STK32B: variants seen among roughly 807,000 people sequenced by gnomAD.
STK32B encodes serine/threonine-protein kinase 32B.
A neutral mutation model predicts 52.6 loss-of-function variants in STK32B; 43 were observed. The observed-to-expected ratio is 0.82, with a 90% confidence interval of 0.64 to 1.05. The LOEUF (loss-of-function observed/expected upper bound fraction) is 1.05, where lower values mean the gene tolerates loss of function less well. STK32B is among the 50% of genes least tolerant of loss of function. The probability of loss-of-function intolerance (pLI) is 0.00; values close to 1 mark genes in which losing one functional copy is unlikely to be tolerated. For missense variants in STK32B, 621 were observed against 534.6 expected (o/e 1.16, Z -1.59); for synonymous variants, 238 against 204.3 (o/e 1.17, Z -1.41).
chr4:5,388,605 G>C (rs1307657659), intron 4 of STK32B, among the ~76,000 whole-genome samples: 1 of 152,188 alleles, frequency 6.6e-6, no homozygotes, highest in African/African-American at 2.4e-5. Context: ...GGGGAGCTCA[G>C]GGTCTGGTGA....
chr4:5,044,194 C>T, the STK32B span, among the ~76,000 whole-genome samples: 9 of 152,286 alleles, frequency 5.9e-5, no homozygotes, highest in African/African-American at 1.7e-4. Flanking sequence ...AGCTGGCTGC[C>T]TTCTCCATCT....
intron 3 of STK32B, among the ~76,000 whole-genome samples, chr4:5,192,258 T>C (rs1257162952): frequency 1.3e-5 from 2 of 152,176 alleles, no homozygotes; most frequent in South Asian, 2.1e-4. Flanking sequence ...CCTCGTGTTA[T>C]TGAATTCCCA....
intron 4 of STK32B, among the ~76,000 whole-genome samples, chr4:5,357,020 T>TACACAC (rs1461369182): frequency 1.7e-3 from 260 of 150,324 alleles, no homozygotes; most frequent in African/African-American, 5.6e-3. Flanking sequence ...TATATATATA[T>TACACAC]ATACACACAC....
chr4:5,094,642 G>T (rs1270927073), intron 1 of STK32B, among the ~76,000 whole-genome samples: 1 of 152,128 alleles, frequency 6.6e-6, no homozygotes, highest in African/African-American at 2.4e-5. Context: ...GTGACAGAGA[G>T]AGACCCTGTT....
At chr4:5,211,567 A>AGGACTAGG (rs1360253946) in intron 3 of STK32B, among the ~76,000 whole-genome samples, 3 of 152,152 alleles carry the variant, frequency 2.0e-5, no homozygotes, top group Admixed American at 2.0e-4. Flanking sequence ...CCAGGGAGGT[A>AGGACTAGG]GGACTAGGGG....
At chr4:5,416,980 C>G in intron 6 of STK32B, 46 bp downstream of exon 6, 1 of 1,533,550 alleles carries the variant, frequency 6.5e-7, no homozygotes, top group East Asian at 2.3e-5. Flanking sequence ...GGCTCACTGC[C>G]TAAGACTCAG....
At chr4:5,157,839 C>G (rs2108717300) in intron 2 of STK32B, among the ~76,000 whole-genome samples, 1 of 152,334 alleles carries the variant, frequency 6.6e-6, no homozygotes, top group Non-Finnish European at 1.5e-5. Flanking sequence ...CCTAACTTCT[C>G]TGAGCCTCAC....
intron 4 of STK32B, among the ~76,000 whole-genome samples, chr4:5,373,346 G>A (rs771575942): frequency 3.2e-4 from 49 of 152,338 alleles, no homozygotes; most frequent in Non-Finnish European, 5.1e-4. Context: ...ATCCAATGGT[G>A]TAGTTTCTGC....
At position 5,396,117 on chromosome 4, in the gene STK32B, G is replaced by A. The variant is rs757344235; in HGVS notation, c.435-2090G>A. Among the ~76,000 whole-genome samples, 24 of 152,312 alleles carry A rather than the reference G, an allele frequency of 1.6e-4. No homozygotes were observed. The highest frequency in any genetic ancestry group is 3.3e-4 in the Admixed American group (5 of 15,298). On this transcript the variant is annotated intron_variant, in intron 4 of 11. Transcript: ENST00000282908. The surrounding 1 kb of genome is among the most constrained non-coding windows in gnomAD (Gnocchi z 4.7). The stretch of plus-strand genomic sequence containing the variant: ...TGCCACAGCAAATTACTGCAAAATC[G>A]GTGGCTTAAAACAATACAAATTTAT...
At chr4:5,402,813 G>A (rs1415508491) in intron 5 of STK32B, among the ~76,000 whole-genome samples, 1 of 152,168 alleles carries the variant, frequency 6.6e-6, no homozygotes, top group Non-Finnish European at 1.5e-5. Flanking sequence ...GCAAGCATGG[G>A]GCTGTGGGGC....
intron 4 of STK32B, among the ~76,000 whole-genome samples, chr4:5,338,084 G>A (rs1182489972): frequency 6.6e-6 from 1 of 152,168 alleles, no homozygotes; most frequent in Non-Finnish European, 1.5e-5. Flanking sequence ...GGATAGAGAA[G>A]GATAAATGGG....
chr4:5,358,173 T>C (rs564165639), intron 4 of STK32B, among the ~76,000 whole-genome samples: 1 of 152,292 alleles, frequency 6.6e-6, no homozygotes, highest in East Asian at 1.9e-4. Flanking sequence ...TAGGTATAAA[T>C]TGCACCCGCA....
At chr4:5,312,473 T>G (rs1017309771) in intron 3 of STK32B, among the ~76,000 whole-genome samples, 12 of 145,670 alleles carry the variant, frequency 8.2e-5, no homozygotes, top group Admixed American at 6.9e-5. Flanking sequence ...GAGTGTGATG[T>G]TCCCCTTCCT....
intron 3 of STK32B, among the ~76,000 whole-genome samples, chr4:5,198,175 T>C (rs1253331984): frequency 6.6e-6 from 1 of 152,218 alleles, no homozygotes. Flanking sequence ...TTAGCTATTA[T>C]TATGATGAGC....
chr4:5,032,978 T>G, the STK32B span, among the ~76,000 whole-genome samples: 2 of 152,202 alleles, frequency 1.3e-5, no homozygotes, highest in African/African-American at 4.8e-5. Flanking sequence ...GAGGCCACAC[T>G]TTTACCTCTC....
chr4:5,482,915 C>G (rs1040496769), intron 11 of STK32B, among the ~76,000 whole-genome samples: 1 of 152,180 alleles, frequency 6.6e-6, no homozygotes, highest in Non-Finnish European at 1.5e-5. Flanking sequence ...GTTGAACCAG[C>G]CTTGCATCCC....
intron 11 of STK32B, among the ~76,000 whole-genome samples, chr4:5,495,220 A>G (rs557938205): frequency 1.5e-4 from 23 of 152,196 alleles, no homozygotes; most frequent in African/African-American, 5.5e-4. Context: ...CACCAATCAG[A>G]CGTAGATTTG....
Position 5,331,225 on chromosome 4 carries a change from C to A in STK32B, c.266C>A (p.Ser89Tyr). 1.2e-6 allele frequency: 2 copies of A among 1,611,910 alleles called. No homozygotes were observed. Among genetic ancestry groups the A allele is most frequent in the Non-Finnish European group, 8.5e-7 (1 of 1,178,894 alleles). ...CTGTCCTTCTGTGCTCCTAGGTACTCCTTCCAGGATGAGGAGGACATGTTC... is the reference window on the plus strand; with the variant it reads ...CTGTCCTTCTGTGCTCCTAGGTACTACTTCCAGGATGAGGAGGACATGTTC... ...EHPFLVNLWY[S>Y]FQDEEDMFMV... The change falls in exon 4 of 12, where the codon TCC (serine) becomes TAC (tyrosine). Residue 89 changes from serine (S) to tyrosine (Y), a missense_variant. Ser to Tyr is a moderately radical substitution (Grantham distance 144). Transcript: ENST00000282908.
chr4:5,273,991 T>TAA (rs549792517), intron 3 of STK32B, among the ~76,000 whole-genome samples: 4 of 149,052 alleles, frequency 2.7e-5, no homozygotes, highest in African/African-American at 7.4e-5. Flanking sequence ...TAAAGTATAA[T>TAA]AAAAAAAAAG....
Sources: gnomAD v4.1 joint callset for allele counts (sites outside exome capture counted in the v4.1 genomes callset) on GRCh38, gnomAD v4.1.1 for gene constraint, Gnocchi (gnomAD v3.1) non-coding constraint, MANE v1.5 for transcripts, NCBI Gene and HGNC (gene_info 2026-07-23, HGNC 2026-07-21) for gene names.